MBD5: variants seen among roughly 807,000 people sequenced by gnomAD.
The protein encoded by MBD5 is methyl-CpG binding domain protein 5.
A neutral mutation model predicts 117.3 loss-of-function variants in MBD5; 13 were observed. That is an observed-to-expected ratio of 0.11 (90% CI 0.07 to 0.18). The LOEUF (loss-of-function observed/expected upper bound fraction) is 0.18, where lower values mean the gene tolerates loss of function less well. Ranked by LOEUF, MBD5 falls within the 10% of genes least tolerant of loss-of-function variation. The pLI is 1.00. For missense variants in MBD5, 1,879 were observed against 2,093.8 expected (o/e 0.90, Z 2.00); for synonymous variants, 727 against 766.4 (o/e 0.95, Z 0.85).
At chr2:148,161,165 T>C (rs561397327) in intron 1 of MBD5, among the ~76,000 whole-genome samples, 1 of 152,308 alleles carries the variant, frequency 6.6e-6, no homozygotes, top group African/African-American at 2.4e-5. Flanking sequence ...TACTCTTTAA[T>C]AAACCCACAT....
intron 1 of MBD5, among the ~76,000 whole-genome samples, chr2:148,108,949 T>C (rs1696440698): frequency 6.6e-6 from 1 of 152,126 alleles, no homozygotes; most frequent in Non-Finnish European, 1.5e-5. Flanking sequence ...AACAATACCA[T>C]TTTCTTATCA....
At chr2:148,405,026 T>C (rs1705033918) in intron 4 of MBD5, among the ~76,000 whole-genome samples, 1 of 152,230 alleles carries the variant, frequency 6.6e-6, no homozygotes. Flanking sequence ...TAATTTGTTC[T>C]GGACTTGATA....
intron 11 of MBD5, among the ~76,000 whole-genome samples, chr2:148,499,829 C>G (rs930887317): frequency 6.6e-6 from 1 of 152,062 alleles, no homozygotes; most frequent in East Asian, 1.9e-4. Context: ...TTTAAAGTTT[C>G]TTGAATATTT....
At chr2:148,182,266 A>G (rs1210461701) in intron 2 of MBD5, among the ~76,000 whole-genome samples, 2 of 152,130 alleles carry the variant, frequency 1.3e-5, no homozygotes, top group Non-Finnish European at 2.9e-5. Flanking sequence ...AATGCTTTTT[A>G]TTATGTGTAT....
At chr2:148,427,620 C>G (rs1457007342) in intron 4 of MBD5, among the ~76,000 whole-genome samples, 3 of 151,810 alleles carry the variant, frequency 2.0e-5, no homozygotes, top group Non-Finnish European at 4.4e-5. Context: ...AGGGGAACAT[C>G]ACACACCGGG....
At chr2:148,313,188 A>T (rs1443755022) in intron 3 of MBD5, among the ~76,000 whole-genome samples, 3 of 152,206 alleles carry the variant, frequency 2.0e-5, no homozygotes, top group Non-Finnish European at 4.4e-5. Flanking sequence ...CTGTGCTGGG[A>T]GATCTGCTGC....
chr2:148,323,650 A>G (rs967658823), intron 3 of MBD5, among the ~76,000 whole-genome samples: 176 of 152,120 alleles, frequency 1.2e-3, no homozygotes, highest in Non-Finnish European at 1.2e-3. Flanking sequence ...TCTTCTTTTG[A>G]GAAGTGTCTG....
chr2:148,042,111 A>T (rs577331588), intron 1 of MBD5, among the ~76,000 whole-genome samples: 17 of 152,148 alleles, frequency 1.1e-4, no homozygotes, highest in Admixed American at 3.3e-4. Flanking sequence ...AACCTACCAA[A>T]CCTCTGCTGA....
intron 3 of MBD5, among the ~76,000 whole-genome samples, chr2:148,277,029 G>T (rs535377584): frequency 6.6e-6 from 1 of 152,116 alleles, no homozygotes; most frequent in African/African-American, 2.4e-5. Context: ...GAGAACAATT[G>T]TGTCTCCCTT....
intron 4 of MBD5, among the ~76,000 whole-genome samples, chr2:148,417,775 A>T (rs11891262): frequency 0.26 from 39,493 of 151,434 alleles, 6,178 homozygotes; most frequent in African/African-American, 0.44. Context: ...GAAATGTTTA[A>T]TCAAGCCATT....
intron 4 of MBD5, among the ~76,000 whole-genome samples, chr2:148,393,889 A>G (rs981450592): frequency 9.2e-5 from 14 of 152,192 alleles, no homozygotes; most frequent in Non-Finnish European, 4.4e-5. Context: ...GGAAGCTGGC[A>G]TGTTGGGGGC....
At chr2:148,144,936 T>G (rs1439317926) in intron 1 of MBD5, among the ~76,000 whole-genome samples, 1 of 152,186 alleles carries the variant, frequency 6.6e-6, no homozygotes, top group African/African-American at 2.4e-5. Context: ...TGCGGGCTCT[T>G]TTTTGGTTCC....
chr2:148,454,845 A>G (rs1298361137), intron 4 of MBD5, among the ~76,000 whole-genome samples: 1 of 152,170 alleles, frequency 6.6e-6, no homozygotes, highest in Non-Finnish European at 1.5e-5. Flanking sequence ...GAAAAAAAGC[A>G]TATCAATGGT....
chr2:148,337,509 T>C (rs537801636), intron 3 of MBD5, among the ~76,000 whole-genome samples: 11 of 152,198 alleles, frequency 7.2e-5, no homozygotes, highest in Admixed American at 6.5e-4. Context: ...TTTGTGGAAA[T>C]TTATGTGTAG....
At chr2:148,329,680 G>A (rs982352636) in intron 3 of MBD5, among the ~76,000 whole-genome samples, 2 of 152,200 alleles carry the variant, frequency 1.3e-5, no homozygotes, top group East Asian at 1.9e-4. Flanking sequence ...TATAAGAAAG[G>A]CAAATGAGCT....
intron 1 of MBD5, among the ~76,000 whole-genome samples, chr2:148,148,955 A>C (rs1420031224): frequency 1.3e-5 from 2 of 152,148 alleles, no homozygotes; most frequent in Non-Finnish European, 2.9e-5. Context: ...ATTTTTAATT[A>C]TACTTTAAGT....
rs1218405953 is a variant in MBD5, at chr2:148,484,037, T to G, written c.3446T>G (p.Ile1149Arg). ...TCAATGGCAGAAACATTGCTGAATA[T>G]ATCTAATAATGCTGGGAATACACCT... Reference protein sequence around the residue: ...VVSMAETLLNISNNAGNTPGP... With the variant: ...VVSMAETLLNRSNNAGNTPGP... The change falls in exon 9 of 14, where the codon ATA (isoleucine) becomes AGA (arginine). Residue 1149 changes from isoleucine to arginine, a missense_variant. Transcript: ENST00000642680. 3.9e-6 allele frequency: 6 copies of G among 1,550,324 alleles called. No individual in the cohort carries two copies. In the Admixed American group the frequency reaches 1.2e-4, roughly 30 times the overall value.
intron 1 of MBD5, among the ~76,000 whole-genome samples, chr2:148,131,964 A>G (rs1461701641): frequency 1.3e-5 from 2 of 152,134 alleles, no homozygotes; most frequent in Admixed American, 1.3e-4. Context: ...TACTTTGCAT[A>G]TAGTCAGCTT....
intron 1 of MBD5, chr2:148,054,679 T>A (rs1210209718): frequency 6.6e-6 from 1 of 152,238 alleles, no homozygotes; most frequent in Non-Finnish European, 1.5e-5. Flanking sequence ...TTCATTTTCA[T>A]TGTATTTTAC....
Sources: gnomAD v4.1 joint callset for allele counts (sites outside exome capture counted in the v4.1 genomes callset) on GRCh38, gnomAD v4.1.1 for gene constraint, MANE v1.5 for transcripts, NCBI Gene and HGNC (gene_info 2026-07-23, HGNC 2026-07-21) for gene names.